Variants in AKAP19 observed in about 807,000 individuals in gnomAD.
AKAP19 encodes A-kinase anchoring protein 19.
At chr2:190,070,614 T>TC in the AKAP19 span, among the ~76,000 whole-genome samples, 11,300 of 118,568 alleles carry the variant, frequency 0.095, 1,351 homozygotes, top group African/African-American at 0.28. Context: ...TCCCTCTCTC[T>TC]CCCCCCCCCC....
the AKAP19 span, among the ~76,000 whole-genome samples, chr2:190,010,237 T>C: frequency 6.6e-6 from 1 of 152,218 alleles, no homozygotes; most frequent in Admixed American, 6.5e-5. Context: ...AGAGCACGAA[T>C]AGTTTATCCA....
the AKAP19 span, among the ~76,000 whole-genome samples, chr2:189,987,585 C>A: frequency 2.6e-5 from 4 of 152,214 alleles, no homozygotes; most frequent in African/African-American, 9.6e-5. Context: ...CCTACCTAAA[C>A]TCCCTCCAAA....
At chr2:190,192,298 A>T in the AKAP19 span, among the ~76,000 whole-genome samples, 1 of 151,906 alleles carries the variant, frequency 6.6e-6, no homozygotes, top group Non-Finnish European at 1.5e-5. Flanking sequence ...TTTCTGTTTC[A>T]TAGGTTTGTG....
the AKAP19 span, among the ~76,000 whole-genome samples, chr2:189,978,188 A>G: frequency 6.6e-6 from 1 of 152,176 alleles, no homozygotes; most frequent in Admixed American, 6.5e-5. Context: ...TGAACCCATC[A>G]TCCAAATAGT....
the AKAP19 span, among the ~76,000 whole-genome samples, chr2:190,063,439 A>C: frequency 6.6e-6 from 1 of 152,096 alleles, no homozygotes; most frequent in Admixed American, 6.6e-5. Context: ...GATTAACATA[A>C]CTCAGAAGAT....
the AKAP19 span, among the ~76,000 whole-genome samples, chr2:190,154,073 A>G: frequency 1.3e-5 from 2 of 151,970 alleles, no homozygotes; most frequent in African/African-American, 4.8e-5. Context: ...CTCTATTTCA[A>G]CACGAAATTT....
chr2:190,133,323 A>C, the AKAP19 span, among the ~76,000 whole-genome samples: 2 of 151,986 alleles, frequency 1.3e-5, no homozygotes, highest in African/African-American at 4.8e-5. Context: ...CCAAACAGGT[A>C]TATGAAAAAA....
At chr2:189,886,839 G>A in the AKAP19 span, among the ~76,000 whole-genome samples, 5 of 152,122 alleles carry the variant, frequency 3.3e-5, no homozygotes, top group East Asian at 1.9e-4. Flanking sequence ...ACAAAGCTAT[G>A]GCAGCAAGGT....
chr2:190,199,682 A>G, the AKAP19 span: 1 of 1,409,978 alleles, frequency 7.1e-7, no homozygotes. Context: ...AATGAAACCT[A>G]CCTTCTCTTG....
At chr2:189,917,583 G>A in the AKAP19 span, 1 of 436,428 alleles carries the variant, frequency 2.3e-6, no homozygotes, top group Non-Finnish European at 4.1e-6. Context: ...TTATTGCTGG[G>A]CTCCACATTT....
At chr2:189,977,130 ATT>A in the AKAP19 span, among the ~76,000 whole-genome samples, 1 of 152,056 alleles carries the variant, frequency 6.6e-6, no homozygotes, top group Non-Finnish European at 1.5e-5. Context: ...GCCCCCAACC[ATT>A]TGGTTTTCTT....
the AKAP19 span, among the ~76,000 whole-genome samples, chr2:189,956,177 C>CTTTTTTTTTTTTTTT: frequency 2.4e-5 from 3 of 122,950 alleles, 1 homozygote; most frequent in Non-Finnish European, 4.8e-5. Context: ...TCTTTTTTTT[C>CTTTTTTTTTTTTTTT]TTTTTTTTTT....
At chr2:190,119,354 G>T in the AKAP19 span, among the ~76,000 whole-genome samples, 1 of 152,198 alleles carries the variant, frequency 6.6e-6, no homozygotes, top group Non-Finnish European at 1.5e-5. Context: ...TGGAGGAGGC[G>T]GTGTCTGATT....
chr2:189,896,988 G>A, the AKAP19 span, among the ~76,000 whole-genome samples: 9 of 152,054 alleles, frequency 5.9e-5, no homozygotes, highest in East Asian at 1.7e-3. Flanking sequence ...CTTTGAGGCA[G>A]GATAGCTTCA....
At chr2:190,175,469 C>T in the AKAP19 span, among the ~76,000 whole-genome samples, 1 of 152,206 alleles carries the variant, frequency 6.6e-6, no homozygotes, top group African/African-American at 2.4e-5. Context: ...ACAATAGTCT[C>T]ATGCTCTGCA....
At chr2:190,080,683 T>C in the AKAP19 span, among the ~76,000 whole-genome samples, 2 of 152,250 alleles carry the variant, frequency 1.3e-5, no homozygotes, top group Non-Finnish European at 2.9e-5. Context: ...TTGGTCCAGG[T>C]TCTTTGGCCT....
chr2:190,036,251 CAG>C, the AKAP19 span, among the ~76,000 whole-genome samples: 3 of 152,176 alleles, frequency 2.0e-5, no homozygotes, highest in Non-Finnish European at 4.4e-5. Flanking sequence ...GGATAGACTA[CAG>C]TATAGCCTTG....
chr2:189,967,769 A>T, the AKAP19 span, among the ~76,000 whole-genome samples: 1 of 152,058 alleles, frequency 6.6e-6, no homozygotes, highest in Admixed American at 6.6e-5. Flanking sequence ...CACTATAATC[A>T]CACCTGTGAA....
the AKAP19 span, among the ~76,000 whole-genome samples, chr2:190,061,432 C>T: frequency 6.6e-6 from 1 of 151,408 alleles, no homozygotes; most frequent in African/African-American, 2.4e-5. Context: ...GGTAAAAGCC[C>T]TCCCTCTCAG....
Sources: allele counts gnomAD v4.1 joint callset (sites outside exome capture counted in the v4.1 genomes callset), GRCh38; gene constraint gnomAD v4.1.1; transcripts MANE v1.5; gene names NCBI Gene and HGNC (gene_info 2026-07-23, HGNC 2026-07-21).